FLT4: variants seen among roughly 807,000 people sequenced by gnomAD.
FLT4 encodes fms related receptor tyrosine kinase 4.
Under a neutral mutation model 163.2 loss-of-function variants are expected in FLT4, and 30 were observed. The ratio of observed to expected loss-of-function variants is 0.18; its 90% CI spans 0.14 to 0.25. The LOEUF (loss-of-function observed/expected upper bound fraction) is 0.25, where lower values mean the gene tolerates loss of function less well. Among genes scored for constraint, FLT4 ranks in the 10% least tolerant of loss-of-function variants. The pLI is 1.00. For missense variants in FLT4, 1,510 were observed against 1,863.8 expected (o/e 0.81, Z 3.50); for synonymous variants, 884 against 789.5 (o/e 1.12, Z -2.01).
At chr5:180,640,173 C>T (rs1041193605) in intron 1 of FLT4, among the ~76,000 whole-genome samples, 1 of 152,154 alleles carries the variant, frequency 6.6e-6, no homozygotes, top group Non-Finnish European at 1.5e-5. Context: ...GGTGGGGGAA[C>T]GTCCCATGGG....
At chr5:180,629,137 T>C (rs540114690) in intron 7 of FLT4, 122 bp downstream of exon 7, 4 of 1,461,884 alleles carry the variant, frequency 2.7e-6, no homozygotes, top group African/African-American at 2.8e-5. Context: ...GTGCAGGAGC[T>C]GGGCAGCTCC....
intron 1 of FLT4, among the ~76,000 whole-genome samples, chr5:180,641,016 T>C (rs1018374814): frequency 1.2e-4 from 18 of 152,070 alleles, no homozygotes; most frequent in African/African-American, 4.3e-4. Flanking sequence ...AGATTGAGGG[T>C]AGAACTAGCT....
chr5:180,612,610 G>C lies in FLT4; in HGVS notation c.3433C>G (p.Arg1145Gly), dbSNP rs202140363. The change falls in exon 26 of 30, where the codon CGC becomes GGC. Residue 1145 changes from arginine (R) to glycine (G), a missense_variant and splice_region_variant. Arg to Gly is a moderately radical substitution (Grantham distance 125). Transcript: ENST00000261937. ...RAPELATPAI[R>G]RIMLNCWSGD... is the part of the protein sequence containing the mutation. ...GACCAGCAGTTCAGCATGATGCGGC[G>C]TCTGCAGGATCACGTGGGCTGCTGG... 5 of 1,610,676 alleles carry C rather than the reference G, an allele frequency of 3.1e-6. No homozygotes were observed. Among genetic ancestry groups the C allele is most frequent in the Non-Finnish European group, 2.5e-6 (3 of 1,176,914 alleles).
intron 29 of FLT4, among the ~76,000 whole-genome samples, chr5:180,605,915 G>A (rs1043974314): frequency 6.6e-6 from 1 of 152,216 alleles, no homozygotes; most frequent in Non-Finnish European, 1.5e-5. Context: ...CAGGAGTGAG[G>A]AGGTGAACCC....
At chr5:180,624,279 T>G (rs1763424039) in intron 10 of FLT4, among the ~76,000 whole-genome samples, 1 of 150,464 alleles carries the variant, frequency 6.6e-6, no homozygotes, top group Admixed American at 6.6e-5. Context: ...CAGGCTGGAC[T>G]GCAATGGCAC....
chr5:180,615,634 G>GT (rs1762616000), intron 23 of FLT4, among the ~76,000 whole-genome samples: 1 of 64,606 alleles, frequency 1.5e-5, no homozygotes, highest in African/African-American at 6.4e-5. Flanking sequence ...GGAGCACTGG[G>GT]CCCGCCGGTC....
intron 1 of FLT4, among the ~76,000 whole-genome samples, chr5:180,638,591 G>C (rs1040709319): frequency 6.6e-6 from 1 of 152,182 alleles, no homozygotes; most frequent in African/African-American, 2.4e-5. Context: ...GGATTCCCCT[G>C]CACTCCCAAG....
chr5:180,644,960 C>T lies in FLT4; in HGVS notation c.58+4528G>A, dbSNP rs537345547. Among the ~76,000 whole-genome samples the T allele has an allele frequency of 2.0e-5, 3 of 152,342 alleles. No homozygotes were observed. In the South Asian group the frequency reaches 6.2e-4, roughly 32 times the overall value. ...GGAGCAGCACCGTCTGCCCGGAGTT[C>T]CCAGCAGTCTCCCAAAGGGCACGTC... On this transcript the variant is annotated intron_variant, in intron 1 of 29. Transcript: ENST00000261937.
intron 8 of FLT4, among the ~76,000 whole-genome samples, chr5:180,626,469 T>G (rs994669509): frequency 6.6e-6 from 1 of 152,166 alleles, no homozygotes; most frequent in South Asian, 2.1e-4. Flanking sequence ...GACAACCGTG[T>G]CAGGCGGCCG....
At chr5:180,610,759 G>A (rs1036567816) in intron 27 of FLT4, among the ~76,000 whole-genome samples, 3 of 151,114 alleles carry the variant, frequency 2.0e-5, no homozygotes, top group Admixed American at 1.3e-4. Context: ...CCACCTCTCC[G>A]GGAGAAAAAG....
chr5:180,619,716 C>T lies in FLT4; in HGVS notation c.2596G>A (p.Gly866Ser), dbSNP rs910059826. Residue 866 changes from glycine (G) to serine (S), a missense_variant, in exon 18 of 30, where the codon GGC (glycine) becomes AGC (serine). This residue lies in a region of FLT4 where 878 missense variants were observed against 1,016.7 expected (regional missense o/e 0.86). Coordinates refer to ENST00000261937, the MANE Select transcript of FLT4 (RefSeq NM_182925.5). ...TCACAGCTGCTGCCCTTGTGGATGC[C>T]GAAAGCGGAGGCTTCCACCACCTTC... Reference protein sequence around the residue: ...FGKVVEASAFGIHKGSSCDTV... With the variant: ...FGKVVEASAFSIHKGSSCDTV... 11 of 1,612,552 alleles carry T rather than the reference C, an allele frequency of 6.8e-6. No individual in the cohort carries two copies. The highest frequency in any genetic ancestry group is 9.3e-6 in the Non-Finnish European group (11 of 1,179,922).
chr5:180,616,834 G>A (rs1017387813), intron 22 of FLT4, 66 bp downstream of exon 22: 5 of 1,229,944 alleles, frequency 4.1e-6, no homozygotes, highest in Admixed American at 3.4e-5. Context: ...CCAGTACCAA[G>A]CACTTCTTGG....
intron 26 of FLT4, 194 bp downstream of exon 26, chr5:180,612,312 G>A (rs1221822224): frequency 4.9e-6 from 3 of 609,274 alleles, no homozygotes; most frequent in Middle Eastern, 4.3e-4. Flanking sequence ...GTGGAGCTGT[G>A]CAGCGGGTGT....
At chr5:180,650,034 A>C (rs1328386847), upstream of FLT4, among the ~76,000 whole-genome samples, 1 of 151,602 alleles carries the variant, frequency 6.6e-6, no homozygotes, top group East Asian at 1.9e-4. Flanking sequence ...AATAAATAAA[A>C]TAATACGCCG....
rs1181531692 is a variant in FLT4 at position 180,613,049 on chromosome 5, G to A, written c.3393C>T (p.Gly1131=). ...NEEFCQRLRD[G]TRMRAPELAT... ...CCAGCTCCGGGGCCCTCATCCTTGTGCCGTCTCTCAGCCGCTGGCAGAACT... is the reference window on the plus strand; with the variant it reads ...CCAGCTCCGGGGCCCTCATCCTTGTACCGTCTCTCAGCCGCTGGCAGAACT... The change falls in exon 25 of 30, where the codon GGC becomes GGT. Residue 1131 remains glycine, a synonymous_variant. Transcript: ENST00000261937. The A allele has an allele frequency of 3.7e-6, 6 of 1,613,496 alleles. No individual in the cohort carries two copies. Among genetic ancestry groups the A allele is most frequent in the Non-Finnish European group, 5.1e-6 (6 of 1,179,756 alleles).
At chr5:180,633,480 G>T (rs1258092402) in intron 1 of FLT4, among the ~76,000 whole-genome samples, 1 of 149,712 alleles carries the variant, frequency 6.7e-6, no homozygotes, top group African/African-American at 2.5e-5. Flanking sequence ...CCTTGGGGGT[G>T]CCAAGCCCTC....
At position 180,633,492 on chromosome 5, in the gene FLT4, C is replaced by T. The variant is rs568855703; in HGVS notation, c.59-1714G>A. 3.3e-5 allele frequency among the ~76,000 whole-genome samples: 5 copies of T among 152,200 alleles called. No individual in the cohort carries two copies. The East Asian group carries it at 7.8e-4, about 24-fold the overall frequency. On this transcript the variant is annotated intron_variant, in intron 1 of 29. Coordinates refer to ENST00000261937, the MANE Select transcript of FLT4 (RefSeq NM_182925.5). ...TCCCCTTGGGGGTGCCAAGCCCTCA[C>T]ATGCACCACAGCGGGGCCTGGGCAC...
intron 1 of FLT4, among the ~76,000 whole-genome samples, chr5:180,632,641 C>G (rs908608043): frequency 6.6e-6 from 1 of 150,620 alleles, no homozygotes; most frequent in African/African-American, 2.4e-5. Flanking sequence ...TGTGTGCACA[C>G]GCGTGCCTCC....
intron 1 of FLT4, among the ~76,000 whole-genome samples, chr5:180,637,817 ACCATGCCTGGC>A (rs1388170144): frequency 6.6e-6 from 1 of 152,164 alleles, no homozygotes; most frequent in East Asian, 1.9e-4. Context: ...GGTGTGGGCC[ACCATGCCTGGC>A]CCATCTCCCA....
Sources: allele counts gnomAD v4.1 joint callset (sites outside exome capture counted in the v4.1 genomes callset), GRCh38; gene constraint gnomAD v4.1.1; regional missense constraint gnomAD v4.1.1; transcripts MANE v1.5; gene names NCBI Gene and HGNC (gene_info 2026-07-23, HGNC 2026-07-21).